Variants in INPP5A observed in about 807,000 individuals in gnomAD.
INPP5A encodes the protein 43 kDa inositol polyphosphate 5-phophatase.
INPP5A carries 14 observed loss-of-function variants against 65.2 expected under a neutral mutation model. The observed-to-expected ratio is 0.21, with a 90% CI of 0.14 to 0.34. The LOEUF (loss-of-function observed/expected upper bound fraction) is 0.34, where lower values mean the gene tolerates loss of function less well. Ranked by LOEUF, INPP5A falls within the 10% of genes least tolerant of loss-of-function variation. The pLI is 1.00. For missense variants in INPP5A, 431 were observed against 545.6 expected, an observed-to-expected ratio of 0.79 and a Z score of 2.09; for synonymous variants, 207 against 208.3, an observed-to-expected ratio of 0.99 and a Z score of 0.05.
chr10:132,663,195 A>T lies in INPP5A; in HGVS notation c.306+12690A>T, dbSNP rs1412634581. The stretch of plus-strand genomic sequence containing the variant: ...TTATATACACATATGCGTATGTTAT[A>T]TAAAATTGAAAAGACTTTCTTCTCG... On this transcript the variant is annotated intron_variant, in intron 4 of 15. Transcript: ENST00000368594. The surrounding 1 kb of genome is among the most constrained non-coding windows in gnomAD (Gnocchi z 4.5). 6.6e-6 allele frequency among the ~76,000 whole-genome samples: 1 copy of T among 152,252 alleles called. No individual in the cohort carries two copies. The highest frequency in any genetic ancestry group is 6.5e-5 in the Admixed American group (1 of 15,290).
intron 14 of INPP5A, 36 bp from the exon 15 acceptor site, chr10:132,781,825 G>C (rs373754657): frequency 1.1e-4 from 165 of 1,564,760 alleles, no homozygotes; most frequent in Middle Eastern, 1.8e-4. Flanking sequence ...TGTCCCGCGT[G>C]CGCCGTGCTG....
At chr10:132,647,523 G>T (rs1300370775) in intron 3 of INPP5A, among the ~76,000 whole-genome samples, 1 of 152,214 alleles carries the variant, frequency 6.6e-6, no homozygotes, top group Non-Finnish European at 1.5e-5. Flanking sequence ...ATAGTTAAAA[G>T]AATCCTGAAG....
chr10:132,738,088 A>G (rs1451925054), intron 9 of INPP5A, among the ~76,000 whole-genome samples: 1 of 152,200 alleles, frequency 6.6e-6, no homozygotes, highest in East Asian at 1.9e-4. Flanking sequence ...TTTTGGACTC[A>G]CTCCTAAATG....
rs55886413 is a variant in INPP5A, at chr10:132,681,498, C to A, written c.307-8894C>A. Among the ~76,000 whole-genome samples the A allele has an allele frequency of 5.7e-3, 868 of 152,266 alleles. 5 individuals carry two copies. The highest frequency in any genetic ancestry group is 0.012 in the South Asian group (56 of 4,822). On this transcript the variant is annotated intron_variant, in intron 4 of 15. Transcript: ENST00000368594. ...CATCAGAAGGAACAAACCCCGGACA[C>A]GCCGCCTTTAAGAACTGTAACACTC...
chr10:132,569,478 C>T (rs1377529819), intron 1 of INPP5A, among the ~76,000 whole-genome samples: 2 of 152,016 alleles, frequency 1.3e-5, no homozygotes. Context: ...CAACTCAGCC[C>T]CCTGAGTAGC....
At chr10:132,717,108 G>T (rs1845753536) in intron 8 of INPP5A, among the ~76,000 whole-genome samples, 1 of 151,752 alleles carries the variant, frequency 6.6e-6, no homozygotes, top group Non-Finnish European at 1.5e-5. Flanking sequence ...TTTGAGATCT[G>T]AGTTCTGGTG....
Position 132,587,418 on chromosome 10 carries a change from G to C in INPP5A, c.76-20497G>C, listed in dbSNP as rs57810592. ...CATGGTGTGCTCTGTGGGGCTGGCA[G>C]GGATCCTGGCATGGCCTGTGTGATT... is the stretch of plus-strand genomic sequence containing the variant. On this transcript the variant is annotated intron_variant, in intron 1 of 15. Coordinates refer to ENST00000368594, the MANE Select transcript of INPP5A (RefSeq NM_005539.5). The surrounding 1 kb of genome is among the most constrained non-coding windows in gnomAD (Gnocchi z 4.3). Among the ~76,000 whole-genome samples, 2 of 152,192 alleles carry C rather than the reference G, an allele frequency of 1.3e-5. No individual in the cohort carries two copies. The highest frequency in any genetic ancestry group is 2.9e-5 in the Non-Finnish European group (2 of 68,028).
chr10:132,610,440 C>T (rs1232590051), intron 2 of INPP5A, among the ~76,000 whole-genome samples: 1 of 152,254 alleles, frequency 6.6e-6, no homozygotes, highest in East Asian at 1.9e-4. Flanking sequence ...ACCTGGTGGG[C>T]TCTCTTCAGG....
At chr10:132,718,717 G>A (rs1273523885) in intron 8 of INPP5A, among the ~76,000 whole-genome samples, 6 of 150,112 alleles carry the variant, frequency 4.0e-5, no homozygotes, top group East Asian at 2.0e-4. Context: ...GTTGTCTGGC[G>A]GGTTCTGTGG....
At chr10:132,645,035 G>A (rs1340486990) in intron 2 of INPP5A, among the ~76,000 whole-genome samples, 1 of 152,222 alleles carries the variant, frequency 6.6e-6, no homozygotes, top group Non-Finnish European at 1.5e-5. Context: ...CGTCCTCTCA[G>A]AGCCTCATGG....
chr10:132,612,271 C>T (rs2071970339), intron 2 of INPP5A, among the ~76,000 whole-genome samples: 2 of 151,678 alleles, frequency 1.3e-5, no homozygotes, highest in South Asian at 4.2e-4. Context: ...AGGGGAGAGG[C>T]CTTGTCAGAG....
intron 11 of INPP5A, among the ~76,000 whole-genome samples, chr10:132,763,623 G>A (rs962215181): frequency 1.3e-5 from 2 of 148,690 alleles, no homozygotes; most frequent in African/African-American, 5.0e-5. Flanking sequence ...ACACATGCCT[G>A]TGCACACATA....
rs188189107 is a variant in INPP5A, at chr10:132,597,745, C to T, written c.76-10170C>T. On this transcript the variant is annotated intron_variant, in intron 1 of 15. Coordinates refer to ENST00000368594, the MANE Select transcript of INPP5A (RefSeq NM_005539.5). The stretch of plus-strand genomic sequence containing the variant: ...GACCCTGGGCCTGTGGTGCGTCCTG[C>T]GGGGCTGTGCTACGTGTAGTGACCC... Among the ~76,000 whole-genome samples, 52 of 151,238 alleles carry T rather than the reference C, an allele frequency of 3.4e-4. No homozygotes were observed. In the East Asian group the frequency reaches 6.3e-3, roughly 18 times the overall value.
At chr10:132,728,891 G>A (rs1256375001) in intron 9 of INPP5A, among the ~76,000 whole-genome samples, 2 of 152,212 alleles carry the variant, frequency 1.3e-5, no homozygotes, top group Non-Finnish European at 2.9e-5. Flanking sequence ...ACCACAAGGC[G>A]TCGGGGGCAG....
At chr10:132,544,369 C>T (rs546046106) in intron 1 of INPP5A, among the ~76,000 whole-genome samples, 1 of 152,156 alleles carries the variant, frequency 6.6e-6, no homozygotes, top group Non-Finnish European at 1.5e-5. Flanking sequence ...AGGATGGGGG[C>T]GGCCTGTGGT....
At chr10:132,751,675 AGTGCCCAGGAGGTGTCTGGGTGGAGGCAG>A (rs1564999271) in intron 11 of INPP5A, among the ~76,000 whole-genome samples, 21 of 68,042 alleles carry the variant, frequency 3.1e-4, no homozygotes, top group African/African-American at 9.2e-4. Context: ...CGTGGAGGCG[AGTGCCCAGGAGGTGTCTGGGTGGAGGCAG>A]GTGCCCAGGA....
intron 11 of INPP5A, 142 bp downstream of exon 11, chr10:132,749,987 G>A: frequency 1.3e-6 from 1 of 782,462 alleles, no homozygotes; most frequent in Admixed American, 2.1e-5. Context: ...GTGCAAGTCA[G>A]ACTGCTGGGG....
chr10:132,719,635 G>C lies in INPP5A; in HGVS notation c.648-7186G>C, dbSNP rs1191962324. Among the ~76,000 whole-genome samples the C allele has an allele frequency of 2.2e-4, 31 of 138,166 alleles. 1 individual carries two copies. The highest frequency in any genetic ancestry group is 6.2e-4 in the East Asian group (3 of 4,830). The allele number at this position is 138,166 out of a possible 152,430, so 90.6% of individuals were successfully genotyped here. A position where few individuals can be genotyped will look rare whatever the true frequency, so the allele number is the denominator to read the frequency against. On this transcript the variant is annotated intron_variant, in intron 8 of 15. Coordinates refer to ENST00000368594, the MANE Select transcript of INPP5A (RefSeq NM_005539.5). Reference sequence around the variant, plus strand: ...TGGAGGCGCCTTAGACAGCTGTCTTGCGGGTTCTGTGGTACCTGGGTTCTG... The same window carrying C: ...TGGAGGCGCCTTAGACAGCTGTCTTCCGGGTTCTGTGGTACCTGGGTTCTG...
At chr10:132,702,737 C>T (rs952837327) in intron 6 of INPP5A, among the ~76,000 whole-genome samples, 3 of 152,230 alleles carry the variant, frequency 2.0e-5, no homozygotes, top group East Asian at 1.9e-4. Flanking sequence ...CCACATGCCA[C>T]GGAGCACCTC....
Sources: gnomAD v4.1 joint callset for allele counts (sites outside exome capture counted in the v4.1 genomes callset) on GRCh38, gnomAD v4.1.1 for gene constraint, Gnocchi (gnomAD v3.1) non-coding constraint, MANE v1.5 for transcripts, NCBI Gene and HGNC (gene_info 2026-07-23, HGNC 2026-07-21) for gene names.